The following CCSER1 variants were observed in gnomAD, a reference collection of about 807,000 sequenced individuals.
The protein encoded by CCSER1 is serine-rich coiled-coil domain-containing protein 1.
Under a neutral mutation model 82.0 loss-of-function variants are expected in CCSER1, and 41 were observed. That is an observed-to-expected ratio of 0.50 (90% CI 0.39 to 0.65). The LOEUF is 0.65. Among genes scored for constraint, CCSER1 ranks in the 30% least tolerant of loss-of-function variants. The pLI, the probability that CCSER1 is intolerant of heterozygous loss-of-function variation, is 0.00. For missense variants in CCSER1, 1,119 were observed against 1,064.2 expected (o/e 1.05, Z -0.72); for synonymous variants, 414 against 383.9 (o/e 1.08, Z -0.92).
chr4:91,175,021 G>A (rs552683943), intron 10 of CCSER1, among the ~76,000 whole-genome samples: 2 of 152,098 alleles, frequency 1.3e-5, no homozygotes, highest in Admixed American at 6.5e-5. Flanking sequence ...CCCATCCTGT[G>A]TCCGAGTGTT....
intron 10 of CCSER1, among the ~76,000 whole-genome samples, chr4:91,465,622 GAA>G (rs1442468095): frequency 6.6e-6 from 1 of 151,966 alleles, no homozygotes; most frequent in Non-Finnish European, 1.5e-5. Context: ...TAGTAAAGGA[GAA>G]AAGAGAGAAG....
intron 6 of CCSER1, among the ~76,000 whole-genome samples, chr4:90,668,152 T>C (rs1348143246): frequency 1.3e-5 from 2 of 152,230 alleles, no homozygotes; most frequent in Non-Finnish European, 2.9e-5. Context: ...CATAATCTTC[T>C]AGAAGCAGTG....
intron 3 of CCSER1, among the ~76,000 whole-genome samples, chr4:90,383,880 T>C (rs553154765): frequency 2.0e-5 from 3 of 152,128 alleles, no homozygotes; most frequent in East Asian, 3.9e-4. Context: ...TACAGGCCTG[T>C]GTCCTGCCAC....
At chr4:90,914,344 T>G (rs565403022) in intron 8 of CCSER1, among the ~76,000 whole-genome samples, 28 of 152,218 alleles carry the variant, frequency 1.8e-4, no homozygotes, top group African/African-American at 5.8e-4. Context: ...AGAAAATCAC[T>G]CAAAACCGCT....
intron 4 of CCSER1, among the ~76,000 whole-genome samples, chr4:90,433,115 C>T (rs1758528096): frequency 6.6e-6 from 1 of 152,002 alleles, no homozygotes; most frequent in South Asian, 2.1e-4. Flanking sequence ...TGTATATTAA[C>T]TATCTACTTG....
chr4:90,450,307 A>G (rs543932793), intron 4 of CCSER1, among the ~76,000 whole-genome samples: 2 of 152,340 alleles, frequency 1.3e-5, no homozygotes, highest in Non-Finnish European at 2.9e-5. Context: ...AAGAAGTAAA[A>G]TAGACTAATC....
intron 8 of CCSER1, among the ~76,000 whole-genome samples, chr4:90,853,073 T>A (rs1006291334): frequency 1.3e-5 from 2 of 151,876 alleles, no homozygotes; most frequent in African/African-American, 4.8e-5. Context: ...ATATATATAG[T>A]ATCAAAACAA....
intron 1 of CCSER1, among the ~76,000 whole-genome samples, chr4:90,172,255 A>C (rs1431010232): frequency 6.6e-6 from 1 of 151,926 alleles, no homozygotes; most frequent in Non-Finnish European, 1.5e-5. Flanking sequence ...TGCTTCATAG[A>C]GGAGTTAAGA....
intron 10 of CCSER1, among the ~76,000 whole-genome samples, chr4:91,126,567 G>T (rs927494073): frequency 2.0e-5 from 3 of 151,804 alleles, no homozygotes; most frequent in Non-Finnish European, 4.4e-5. Context: ...AAGTTATATG[G>T]TCTATAAATT....
intron 10 of CCSER1, among the ~76,000 whole-genome samples, chr4:91,391,724 T>C (rs779718116): frequency 1.3e-5 from 2 of 152,182 alleles, no homozygotes; most frequent in Non-Finnish European, 2.9e-5. Context: ...GTAATATATA[T>C]TCTTTTAAAT....
intron 3 of CCSER1, among the ~76,000 whole-genome samples, chr4:90,392,794 G>C (rs567718813): frequency 3.3e-4 from 50 of 152,202 alleles, no homozygotes; most frequent in South Asian, 1.7e-3. Context: ...CAAAGAACAA[G>C]TGAAAATACT....
At chr4:90,619,176 T>G (rs1471689708) in intron 5 of CCSER1, among the ~76,000 whole-genome samples, 1 of 151,982 alleles carries the variant, frequency 6.6e-6, no homozygotes, top group Non-Finnish European at 1.5e-5. Flanking sequence ...CTAGCAAATT[T>G]TGAAAGCTCT....
At chr4:90,724,055 A>G in intron 7 of CCSER1, 64 bp downstream of exon 7, 1 of 994,274 alleles carries the variant, frequency 1.0e-6, no homozygotes, top group South Asian at 1.5e-5. Flanking sequence ...ATAGTTTAAA[A>G]TAGTTTATGT....
intron 10 of CCSER1, among the ~76,000 whole-genome samples, chr4:91,557,176 G>C (rs1047081617): frequency 6.6e-6 from 1 of 151,386 alleles, no homozygotes; most frequent in African/African-American, 2.4e-5. Context: ...GGATACATCA[G>C]AGCTCCTGCA....
chr4:90,343,765 C>T lies in CCSER1; in HGVS notation c.1509+30718C>T, dbSNP rs374887188. Reference sequence around the variant, plus strand: ...TTATTTTTCTTAATTTTTGTGGGTACATAGTGGTATATATATGTATGAGGT... The same window carrying T: ...TTATTTTTCTTAATTTTTGTGGGTATATAGTGGTATATATATGTATGAGGT... On this transcript the variant is annotated intron_variant, in intron 3 of 10. Coordinates refer to ENST00000509176, the MANE Select transcript of CCSER1 (RefSeq NM_001145065.2). 1.9e-3 allele frequency among the ~76,000 whole-genome samples: 284 copies of T among 152,122 alleles called. 1 individual carries two copies. The highest frequency in any genetic ancestry group is 6.0e-3 in the African/African-American group (248 of 41,520).
At chr4:90,234,050 A>G (rs952034951) in intron 1 of CCSER1, among the ~76,000 whole-genome samples, 26 of 152,324 alleles carry the variant, frequency 1.7e-4, no homozygotes, top group Admixed American at 3.3e-4. Flanking sequence ...AATGGAAAAC[A>G]AATACTTTTG....
At chr4:90,751,499 G>A (rs1748658306) in intron 7 of CCSER1, among the ~76,000 whole-genome samples, 1 of 151,696 alleles carries the variant, frequency 6.6e-6, no homozygotes, top group Non-Finnish European at 1.5e-5. Context: ...CTCCTTGAGG[G>A]AAAAAAAGTA....
chr4:91,099,480 T>C (rs1004169309), intron 10 of CCSER1, among the ~76,000 whole-genome samples: 2 of 152,206 alleles, frequency 1.3e-5, no homozygotes, highest in African/African-American at 2.4e-5. Context: ...TTTGAAGAGA[T>C]TTATTCTGAG....
chr4:90,983,855 C>T (rs1198329360), intron 9 of CCSER1, among the ~76,000 whole-genome samples: 1 of 151,640 alleles, frequency 6.6e-6, no homozygotes, highest in East Asian at 1.9e-4. Context: ...TACTCATTTG[C>T]CTGTATGCCA....
Sources: gnomAD v4.1 joint callset for allele counts (sites outside exome capture counted in the v4.1 genomes callset) on GRCh38, gnomAD v4.1.1 for gene constraint, MANE v1.5 for transcripts, NCBI Gene and HGNC (gene_info 2026-07-23, HGNC 2026-07-21) for gene names.